Variants in MYL4 observed in about 807,000 individuals in gnomAD.
MYL4 encodes the protein myosin light chain 4.
Under a neutral mutation model 21.6 loss-of-function variants are expected in MYL4, and 16 were observed. The ratio of observed to expected loss-of-function variants is 0.74; its 90% CI spans 0.50 to 1.12. The LOEUF (loss-of-function observed/expected upper bound fraction) is 1.12. Ranked by LOEUF, MYL4 falls within the 50% of genes most tolerant of loss-of-function variation. The probability of loss-of-function intolerance (pLI) is 0.00; values close to 1 mark genes in which losing one functional copy is unlikely to be tolerated. For synonymous variants in MYL4, 82 were observed against 95.7 expected, an observed-to-expected ratio of 0.86 and a Z score of 0.83; for missense variants, 249 against 252.9, an observed-to-expected ratio of 0.98 and a Z score of 0.11.
upstream of MYL4, among the ~76,000 whole-genome samples, chr17:47,205,848 T>C (rs1376916787): frequency 6.6e-6 from 1 of 152,134 alleles, no homozygotes; most frequent in Non-Finnish European, 1.5e-5. Context: ...CCCGCTTCCA[T>C]TCCTTTCCAC....
At chr17:47,198,291 C>A (rs899227686), upstream of MYL4, among the ~76,000 whole-genome samples, 2 of 152,102 alleles carry the variant, frequency 1.3e-5, no homozygotes, top group African/African-American at 4.8e-5. Context: ...CAGATTCTAA[C>A]CAGAAGACTG....
downstream of MYL4, among the ~76,000 whole-genome samples, chr17:47,227,136 G>A (rs1007392429): frequency 6.6e-6 from 1 of 152,194 alleles, no homozygotes; most frequent in Non-Finnish European, 1.5e-5. Flanking sequence ...GATTACAGGT[G>A]TGAGCCACCG....
chr17:47,209,526 A>G lies in MYL4; in HGVS notation c.104A>G (p.Lys35Arg), dbSNP rs1328315222. ...CCTGCCCCAGCTCCTGAGGCTCCCA[A>G]GGAACCTGCCTTTGACCCCAAGAGT... ...PAPAPAPEAPKEPAFDPKSVK... is the reference protein window; with the variant it reads ...PAPAPAPEAPREPAFDPKSVK... Residue 35 changes from lysine to arginine, a missense_variant, in exon 1 of 7, where the codon AAG becomes AGG. Lys to Arg is a conservative substitution (Grantham distance 26, BLOSUM62 2). Coordinates refer to ENST00000393450, the MANE Select transcript of MYL4 (RefSeq NM_002476.2). 1 of 1,614,214 alleles carries G rather than the reference A, an allele frequency of 6.2e-7. No homozygotes were observed. The highest frequency in any genetic ancestry group is 1.7e-5 in the Admixed American group (1 of 60,024).
chr17:47,209,295 T>C, upstream of MYL4: 1 of 1,260,682 alleles, frequency 7.9e-7, no homozygotes, highest in Non-Finnish European at 1.1e-6. Context: ...ACCCAGCCCC[T>C]CTGTGGGGGC....
At chr17:47,216,885 G>A (rs747925016) in intron 2 of MYL4, among the ~76,000 whole-genome samples, 1 of 151,900 alleles carries the variant, frequency 6.6e-6, no homozygotes, top group Non-Finnish European at 1.5e-5. Flanking sequence ...ATATAGATGG[G>A]GTTTCTCCAT....
chr17:47,201,243 A>G (rs2064708203), intron 1 of MYL4, among the ~76,000 whole-genome samples: 1 of 152,052 alleles, frequency 6.6e-6, no homozygotes, highest in Admixed American at 6.5e-5. Flanking sequence ...GATTTTAGAC[A>G]CCTTTCCCCT....
intron 2 of MYL4, 26 bp from the exon 3 acceptor site, chr17:47,219,878 G>C: frequency 6.2e-7 from 1 of 1,614,160 alleles, no homozygotes; most frequent in Non-Finnish European, 8.5e-7. Context: ...GGGATTGGAA[G>C]GTATAGCTGG....
At chr17:47,219,207 C>G (rs190814199) in intron 2 of MYL4, among the ~76,000 whole-genome samples, 93 of 152,370 alleles carry the variant, frequency 6.1e-4, no homozygotes, top group African/African-American at 2.2e-3. Flanking sequence ...GTACTGATAA[C>G]AGCTGACTTT....
intron 1 of MYL4, among the ~76,000 whole-genome samples, chr17:47,211,159 A>G (rs1316230058): frequency 6.6e-6 from 1 of 152,218 alleles, no homozygotes; most frequent in Non-Finnish European, 1.5e-5. Context: ...GTTGCTTTGA[A>G]GTAGAAAAAA....
chr17:47,211,150 T>C (rs542857125), intron 1 of MYL4, among the ~76,000 whole-genome samples: 1 of 152,238 alleles, frequency 6.6e-6, no homozygotes, highest in Admixed American at 6.5e-5. Flanking sequence ...GTTGTTGAAG[T>C]TGCTTTGAAG....
At chr17:47,192,909 A>G in the MYL4 span, among the ~76,000 whole-genome samples, 56 of 152,278 alleles carry the variant, frequency 3.7e-4, no homozygotes, top group African/African-American at 1.3e-3. Flanking sequence ...TATTCCAAAA[A>G]TGGAATTGGA....
chr17:47,193,762 T>C, the MYL4 span, among the ~76,000 whole-genome samples: 25 of 151,940 alleles, frequency 1.6e-4, no homozygotes, highest in Non-Finnish European at 2.9e-4. Context: ...TTCTTTCTCT[T>C]TCCTTTCTTT....
intron 6 of MYL4, chr17:47,223,258 A>G (rs2064870059): frequency 1.7e-6 from 1 of 581,338 alleles, no homozygotes; most frequent in Non-Finnish European, 3.0e-6. Context: ...TCTTGACCCT[A>G]TCAGTCACAT....
chr17:47,226,562 C>T (rs1018577923), downstream of MYL4, among the ~76,000 whole-genome samples: 1 of 152,266 alleles, frequency 6.6e-6, no homozygotes, highest in Non-Finnish European at 1.5e-5. Flanking sequence ...CATGTGACAA[C>T]ATCAGCCAAC....
intron 1 of MYL4, among the ~76,000 whole-genome samples, chr17:47,203,258 T>A (rs560295438): frequency 6.6e-6 from 1 of 152,340 alleles, no homozygotes; most frequent in East Asian, 1.9e-4. Flanking sequence ...CTATCTTTCA[T>A]ATCCCTTTTT....
upstream of MYL4, among the ~76,000 whole-genome samples, chr17:47,208,430 T>C (rs2064744704): frequency 6.6e-6 from 1 of 152,042 alleles, no homozygotes; most frequent in South Asian, 2.1e-4. Context: ...CGATACCTTG[T>C]TTCTGTTAAA....
upstream of MYL4, among the ~76,000 whole-genome samples, chr17:47,207,767 GT>G (rs199562775): frequency 6.6e-6 from 1 of 151,940 alleles, no homozygotes; most frequent in Non-Finnish European, 1.5e-5. Context: ...GACTTTCAAA[GT>G]TTTTTTTACA....
chr17:47,215,127 G>T (rs1405509379), intron 2 of MYL4, among the ~76,000 whole-genome samples: 2 of 152,258 alleles, frequency 1.3e-5, no homozygotes, highest in East Asian at 3.9e-4. Flanking sequence ...ATGAGAGCTG[G>T]CATATGCATT....
intron 3 of MYL4, 118 bp from the exon 4 acceptor site, chr17:47,221,564 T>G (rs994728823): frequency 8.6e-7 from 1 of 1,166,412 alleles, no homozygotes; most frequent in South Asian, 1.5e-5. Context: ...CACCCAGAAT[T>G]GGCTGCAGCC....
Sources: allele counts gnomAD v4.1 joint callset (sites outside exome capture counted in the v4.1 genomes callset), GRCh38; gene constraint gnomAD v4.1.1; transcripts MANE v1.5; gene names NCBI Gene and HGNC (gene_info 2026-07-23, HGNC 2026-07-21).